ZMYM6: variants seen among roughly 807,000 people sequenced by gnomAD.
The protein encoded by ZMYM6 is zinc finger MYM-type containing 6.
Under a neutral mutation model 134.0 loss-of-function variants are expected in ZMYM6, and 90 were observed. The observed-to-expected ratio is 0.67, with a 90% confidence interval of 0.57 to 0.80. The LOEUF (loss-of-function observed/expected upper bound fraction) is 0.80, where lower values mean the gene tolerates loss of function less well. Among genes scored for constraint, ZMYM6 ranks in the 30% least tolerant of loss-of-function variants. The pLI, the probability that ZMYM6 is intolerant of heterozygous loss-of-function variation, is 0.00. For synonymous variants in ZMYM6, 481 were observed against 524.1 expected, an observed-to-expected ratio of 0.92 and a Z score of 1.12; for missense variants, 1,362 against 1,533.9, an observed-to-expected ratio of 0.89 and a Z score of 1.87.
chr1:35,020,819 C>A (rs1393317926), intron 2 of ZMYM6, among the ~76,000 whole-genome samples: 2 of 152,064 alleles, frequency 1.3e-5, no homozygotes, highest in Non-Finnish European at 2.9e-5. Context: ...GATCTACCCA[C>A]CTCAGCCTCC....
intron 14 of ZMYM6, among the ~76,000 whole-genome samples, chr1:34,993,115 CTT>C (rs11314796): frequency 3.0e-4 from 41 of 138,934 alleles, no homozygotes; most frequent in African/African-American, 9.6e-4. Flanking sequence ...TTTCTTTTTT[CTT>C]TTTTTTTTTT....
At position 34,987,474 on chromosome 1, in the gene ZMYM6, G is replaced by A; in HGVS notation, c.3608C>T (p.Pro1203Leu). 6.2e-7 allele frequency: 1 copy of A among 1,613,482 alleles called. No homozygotes were observed. Among genetic ancestry groups the A allele is most frequent in the Non-Finnish European group, 8.5e-7 (1 of 1,179,756 alleles). The change falls in exon 16 of 16, where the codon CCA (proline) becomes CTA (leucine). Residue 1203 changes from proline to leucine, a missense_variant. Coordinates refer to ENST00000357182, the MANE Select transcript of ZMYM6 (RefSeq NM_007167.4). The part of the protein sequence containing the change: ...GLSQVFSDCF[P>L]PEQDLRSGNL... ...TCCTGAACGCAAGTCTTGTTCTGGTGGAAAACAGTCACTGAACACTTGAGA... is the reference window on the plus strand; with the variant it reads ...TCCTGAACGCAAGTCTTGTTCTGGTAGAAAACAGTCACTGAACACTTGAGA...
rs1340470969 is a variant in ZMYM6, at chr1:34,995,160, T to C, written c.1993-2773A>G. ...ACACACACACACATACACACACACATATGTATGTGTGTATATATATATATA... is the reference window on the plus strand; with the variant it reads ...ACACACACACACATACACACACACACATGTATGTGTGTATATATATATATA... On this transcript the variant is annotated intron_variant, in intron 14 of 15. Transcript: ENST00000357182. Among the ~76,000 whole-genome samples the C allele has an allele frequency of 8.2e-5, 12 of 147,094 alleles. No homozygotes were observed. In the East Asian group the frequency reaches 1.4e-3, roughly 17 times the overall value.
intron 2 of ZMYM6, among the ~76,000 whole-genome samples, chr1:35,025,737 T>C (rs932514024): frequency 1.3e-5 from 2 of 152,188 alleles, no homozygotes; most frequent in Non-Finnish European, 2.9e-5. Flanking sequence ...CAGTTTACCA[T>C]CCTGGTTAAG....
intron 7 of ZMYM6, 56 bp from the exon 8 acceptor site, chr1:35,012,061 CAAAA>C (rs1314446737): frequency 2.7e-6 from 3 of 1,100,624 alleles, no homozygotes; most frequent in Non-Finnish European, 3.9e-6. Context: ...ACAAACAATA[CAAAA>C]ATGTATTGGG....
chr1:35,014,946 T>A, intron 5 of ZMYM6, 42 bp downstream of exon 5: 1 of 1,608,276 alleles, frequency 6.2e-7, no homozygotes, highest in Admixed American at 1.7e-5. Flanking sequence ...TAAAAAAAAA[T>A]CTCTTTCAGC....
chr1:35,010,387 C>T (rs1429076106), intron 10 of ZMYM6, 60 bp downstream of exon 10: 2 of 1,548,336 alleles, frequency 1.3e-6, no homozygotes, highest in Non-Finnish European at 1.7e-6. Context: ...GGCTTAATTG[C>T]CCAAGTCGTC....
Position 35,012,516 on chromosome 1 carries a change from C to G in ZMYM6, c.861G>C (p.Glu287Asp). 6.2e-7 allele frequency: 1 copy of G among 1,613,394 alleles called. No individual in the cohort carries two copies. The highest frequency in any genetic ancestry group is 8.5e-7 in the Non-Finnish European group (1 of 1,179,738). Residue 287 changes from glutamate to aspartate, a missense_variant, in exon 7 of 16, where the codon GAG (glutamate) becomes GAC (aspartate). Around this residue, in one of 3 missense-constraint regions of ZMYM6, gnomAD observed 503 missense variants for 520.8 expected, o/e 0.97. Transcript: ENST00000357182. ...KSLRPSAEMI[E>D]TTNDSGKTEL... ...CTGTTTTTCCTGAATCATTTGTAGTCTCAATCATTTCAGCTGAGGGCCTCA... is the reference window on the plus strand; with the variant it reads ...CTGTTTTTCCTGAATCATTTGTAGTGTCAATCATTTCAGCTGAGGGCCTCA...
At chr1:35,013,566 A>G (rs1185724649) in intron 6 of ZMYM6, 2 of 985,332 alleles carry the variant, frequency 2.0e-6, no homozygotes, top group African/African-American at 3.5e-5. Context: ...TTAAAAAAAG[A>G]GATTCTTTTC....
chr1:35,030,480 T>C, intron 2 of ZMYM6, 67 bp downstream of exon 2: 1 of 1,496,982 alleles, frequency 6.7e-7, no homozygotes, highest in South Asian at 1.2e-5. Context: ...TTAACTAAAA[T>C]TTTTCAGTTG....
intron 15 of ZMYM6, chr1:34,989,182 T>A: frequency 8.0e-7 from 1 of 1,245,460 alleles, no homozygotes; most frequent in Non-Finnish European, 1.0e-6. Context: ...GTACAAGTAA[T>A]CCCAAGCACC....
intron 14 of ZMYM6, among the ~76,000 whole-genome samples, chr1:35,002,951 T>A (rs1569759781): frequency 6.6e-6 from 1 of 151,716 alleles, no homozygotes. Flanking sequence ...GGCGGGAGGA[T>A]CACTTGAGGC....
At chr1:34,993,924 A>T (rs1236687154) in intron 14 of ZMYM6, among the ~76,000 whole-genome samples, 1 of 151,872 alleles carries the variant, frequency 6.6e-6, no homozygotes, top group African/African-American at 2.4e-5. Flanking sequence ...TGACCTCGTG[A>T]TCCACCCACC....
chr1:35,000,803 C>T (rs1173478722), intron 14 of ZMYM6, among the ~76,000 whole-genome samples: 2 of 152,032 alleles, frequency 1.3e-5, no homozygotes, highest in East Asian at 3.8e-4. Context: ...GGGAGACTAA[C>T]TGGTAGTAGT....
At chr1:34,993,198 G>A (rs922794309) in intron 14 of ZMYM6, among the ~76,000 whole-genome samples, 1 of 149,646 alleles carries the variant, frequency 6.7e-6, no homozygotes, top group Non-Finnish European at 1.5e-5. Flanking sequence ...TGCAACCTTC[G>A]CCTCCCAGGT....
In ZMYM6 at chr1:35,014,909, T is replaced by C. The variant is rs138774512; in HGVS notation, c.604-21A>G. 952 of 1,612,052 alleles carry C rather than the reference T, an allele frequency of 5.9e-4. 3 individuals carry two copies. In the African/African-American group the frequency reaches 0.01, roughly 17 times the overall value. On this transcript the variant is annotated intron_variant, in intron 5 of 15. Transcript: ENST00000357182. ...CGAGTCTAGGAAATAAACACACACA[T>C]ACACACACAAAATAAGCAGAGCCAG...
At chr1:34,993,934 C>A (rs1018349844) in intron 14 of ZMYM6, among the ~76,000 whole-genome samples, 1 of 151,918 alleles carries the variant, frequency 6.6e-6, no homozygotes, top group African/African-American at 2.4e-5. Flanking sequence ...ATCCACCCAC[C>A]TTGGCCTCCC....
At chr1:35,024,899 T>C (rs528702664) in intron 2 of ZMYM6, among the ~76,000 whole-genome samples, 1 of 152,140 alleles carries the variant, frequency 6.6e-6, no homozygotes, top group South Asian at 2.1e-4. Context: ...GATGGAATAT[T>C]GCTCTGTTGC....
At chr1:34,992,526 C>G in intron 14 of ZMYM6, 139 bp from the exon 15 acceptor site, 1 of 849,418 alleles carries the variant, frequency 1.2e-6, no homozygotes, top group Non-Finnish European at 1.7e-6. Context: ...ATAAAAAAGT[C>G]ACCTTGGAAA....
Sources: allele counts gnomAD v4.1 joint callset (sites outside exome capture counted in the v4.1 genomes callset), GRCh38; gene constraint gnomAD v4.1.1; regional missense constraint gnomAD v4.1.1; transcripts MANE v1.5; gene names NCBI Gene and HGNC (gene_info 2026-07-23, HGNC 2026-07-21).